NME7: variants seen among roughly 807,000 people sequenced by gnomAD.
The protein encoded by NME7 is NME/NM23 family member 7, also known as nucleoside diphosphate kinase 7.
NME7 carries 41 observed loss-of-function variants against 49.1 expected under a neutral mutation model. The observed-to-expected ratio is 0.83, with a 90% CI of 0.65 to 1.08. NME7 has a LOEUF of 1.08. Ranked by LOEUF, NME7 falls within the 50% of genes least tolerant of loss-of-function variation. The probability of loss-of-function intolerance (pLI) is 0.00; values close to 1 mark genes in which losing one functional copy is unlikely to be tolerated. For synonymous variants in NME7, 139 were observed against 150.6 expected, an observed-to-expected ratio of 0.92 and a Z score of 0.56; for missense variants, 423 against 463.4, an observed-to-expected ratio of 0.91 and a Z score of 0.80.
At chr1:169,247,433 A>G (rs1295701617) in intron 7 of NME7, among the ~76,000 whole-genome samples, 1 of 152,212 alleles carries the variant, frequency 6.6e-6, no homozygotes, top group Non-Finnish European at 1.5e-5. Flanking sequence ...GGAGATTTTC[A>G]TGAATGTTAT....
At chr1:169,195,450 T>C (rs1056913417) in intron 10 of NME7, among the ~76,000 whole-genome samples, 7 of 152,118 alleles carry the variant, frequency 4.6e-5, no homozygotes, top group Admixed American at 3.9e-4. Flanking sequence ...TGGCCTCAAG[T>C]GATCCTCCCA....
intron 10 of NME7, among the ~76,000 whole-genome samples, chr1:169,217,294 A>C (rs1388864629): frequency 1.3e-5 from 2 of 152,236 alleles, no homozygotes; most frequent in African/African-American, 4.8e-5. Flanking sequence ...TATGGTAGCC[A>C]CATGTGGCTA....
rs1651325689 is a variant in NME7, at chr1:169,310,037, C to G, written c.322G>C (p.Glu108Gln). Residue 108 changes from glutamate (E) to glutamine (Q), a missense_variant, in exon 4 of 12, where the codon GAA becomes CAA. Physicochemically the swap from Glu to Gln is conservative, Grantham distance 29 (BLOSUM62 2). Coordinates refer to ENST00000367811, the MANE Select transcript of NME7 (RefSeq NM_013330.5). Reference sequence around the variant, plus strand: ...GCTTTGTTTATTATTTCAATTATTTCTCCAGCCTTTGATATTGCATCTGGT... The same window carrying G: ...GCTTTGTTTATTATTTCAATTATTTGTCCAGCCTTTGATATTGCATCTGGT... Reference protein sequence around the residue: ...IKPDAISKAGEIIEIINKAGF... With the variant: ...IKPDAISKAGQIIEIINKAGF... 1 of 1,609,204 alleles carries G rather than the reference C, an allele frequency of 6.2e-7. No homozygotes were observed. Among genetic ancestry groups the G allele is most frequent in the East Asian group, 2.2e-5 (1 of 44,574 alleles).
At chr1:169,224,394 T>G in intron 10 of NME7, among the ~76,000 whole-genome samples, 1 of 152,180 alleles carries the variant, frequency 6.6e-6, no homozygotes, top group Non-Finnish European at 1.5e-5. Flanking sequence ...CATACTAGGT[T>G]GTCTTTCCAA....
At chr1:169,341,588 C>T (rs925755534) in intron 1 of NME7, among the ~76,000 whole-genome samples, 2 of 152,100 alleles carry the variant, frequency 1.3e-5, no homozygotes, top group Non-Finnish European at 2.9e-5. Flanking sequence ...ACAGCTTGCA[C>T]CATGTGCCTG....
chr1:169,331,576 A>C (rs570942333), intron 1 of NME7, among the ~76,000 whole-genome samples: 22 of 152,318 alleles, frequency 1.4e-4, no homozygotes, highest in Middle Eastern at 6.8e-3. Context: ...GGAAAAACCT[A>C]AAGACTCCAC....
chr1:169,269,112 T>C (rs1649409547), intron 7 of NME7, among the ~76,000 whole-genome samples: 1 of 133,862 alleles, frequency 7.5e-6, no homozygotes, highest in Non-Finnish European at 1.8e-5. Context: ...AAAATTAGGA[T>C]TCTTTTGTAG....
At chr1:169,219,962 G>A (rs1661092386) in intron 10 of NME7, among the ~76,000 whole-genome samples, 1 of 152,118 alleles carries the variant, frequency 6.6e-6, no homozygotes, top group South Asian at 2.1e-4. Flanking sequence ...GAAGGCTAAG[G>A]AGACCTTCCA....
chr1:169,144,163 G>A (rs1031490972), intron 11 of NME7, among the ~76,000 whole-genome samples: 2 of 152,004 alleles, frequency 1.3e-5, no homozygotes, highest in Non-Finnish European at 2.9e-5. Context: ...TTGCTCCTGT[G>A]AGTAGCTACT....
At chr1:169,226,907 CAA>C (rs948674644) in intron 10 of NME7, among the ~76,000 whole-genome samples, 54 of 151,610 alleles carry the variant, frequency 3.6e-4, no homozygotes, top group African/African-American at 1.3e-3. Context: ...TAAAATGAAC[CAA>C]AAAAACACAG....
intron 9 of NME7, among the ~76,000 whole-genome samples, chr1:169,233,517 A>G (rs1488505996): frequency 2.6e-5 from 4 of 152,210 alleles, no homozygotes; most frequent in African/African-American, 4.8e-5. Context: ...TTGAGGATTT[A>G]CGATACACAA....
chr1:169,144,763 T>G (rs1658702149), intron 11 of NME7, among the ~76,000 whole-genome samples: 4 of 152,282 alleles, frequency 2.6e-5, no homozygotes, highest in Admixed American at 2.6e-4. Flanking sequence ...CACTGTGGCG[T>G]GCACCTGCCA....
At chr1:169,344,603 T>G (rs1169549508) in intron 1 of NME7, among the ~76,000 whole-genome samples, 1 of 152,236 alleles carries the variant, frequency 6.6e-6, no homozygotes, top group African/African-American at 2.4e-5. Flanking sequence ...TTTTGTAAAG[T>G]GTTTTTCTGT....
At position 169,165,496 on chromosome 1, in the gene NME7, G is replaced by A. The variant is rs561587446; in HGVS notation, c.1098+3951C>T. Among the ~76,000 whole-genome samples the A allele has an allele frequency of 5.9e-5, 9 of 152,212 alleles. No individual in the cohort carries two copies. The South Asian group carries it at 1.2e-3, about 21-fold the overall frequency. ...AGGATAACAATATATTCTAGTTTGC[G>A]TGTGACAGTTCTGGTTTATGCCTCT... On this transcript the variant is annotated intron_variant, in intron 11 of 11. Transcript: ENST00000367811.
intron 4 of NME7, among the ~76,000 whole-genome samples, chr1:169,309,762 T>C (rs1475288254): frequency 2.6e-5 from 4 of 152,046 alleles, no homozygotes; most frequent in African/African-American, 9.7e-5. Context: ...TGACACTGAA[T>C]AGGAAAAGAT....
chr1:169,202,821 G>T (rs1169956854), intron 10 of NME7, among the ~76,000 whole-genome samples: 1 of 152,172 alleles, frequency 6.6e-6, no homozygotes, highest in African/African-American at 2.4e-5. Flanking sequence ...AATTTATGCT[G>T]AGCAGTTTGG....
intron 10 of NME7, among the ~76,000 whole-genome samples, chr1:169,214,659 T>C (rs749266849): frequency 6.6e-6 from 1 of 152,236 alleles, no homozygotes; most frequent in Non-Finnish European, 1.5e-5. Context: ...GCAGGATATT[T>C]TCTTGATCCC....
At chr1:169,200,415 A>G (rs2101777111) in intron 10 of NME7, among the ~76,000 whole-genome samples, 1 of 152,228 alleles carries the variant, frequency 6.6e-6, no homozygotes, top group Non-Finnish European at 1.5e-5. Context: ...GACTGTGTTA[A>G]GCACATCTTT....
At chr1:169,146,734 G>T (rs1002052628) in intron 11 of NME7, among the ~76,000 whole-genome samples, 35 of 152,184 alleles carry the variant, frequency 2.3e-4, no homozygotes, top group African/African-American at 8.0e-4. Context: ...CTGATAAACA[G>T]AGGCTAGGTT....
Sources: gnomAD v4.1 joint callset for allele counts (sites outside exome capture counted in the v4.1 genomes callset) on GRCh38, gnomAD v4.1.1 for gene constraint, MANE v1.5 for transcripts, NCBI Gene and HGNC (gene_info 2026-07-23, HGNC 2026-07-21) for gene names.